The following SLC22A9 variants were observed in gnomAD, a reference collection of about 807,000 sequenced individuals.
The protein encoded by SLC22A9 is organic anion transporter 7.
In SLC22A9, 64 loss-of-function variants were observed where a neutral mutation model predicts 50.1. The observed-to-expected ratio is 1.28, with a 90% CI of 1.04 to 1.57. The LOEUF is 1.57. SLC22A9 is among the 40% of genes most tolerant of loss of function. The pLI, the probability that SLC22A9 is intolerant of heterozygous loss-of-function variation, is 0.00. For synonymous variants in SLC22A9, 261 were observed against 242.5 expected (o/e 1.08, Z -0.71); for missense variants, 757 against 676.1 (o/e 1.12, Z -1.33).
intron 5 of SLC22A9, among the ~76,000 whole-genome samples, chr11:63,378,971 C>G (rs369504423): frequency 6.6e-6 from 1 of 152,014 alleles, no homozygotes; most frequent in Non-Finnish European, 1.5e-5. Flanking sequence ...GAATCCTGTT[C>G]CTATCAAACT....
rs776357485 is a variant in SLC22A9 at position 63,370,104 on chromosome 11, C to A, written c.48C>A (p.Phe16Leu). ...GTCACGCTGGTGACCTGTGGAGATT[C>A]CAGATCCTTCAGACTGTTTTTCTCT... Reference protein sequence around the residue: ...LLGHAGDLWRFQILQTVFLSI... With the variant: ...LLGHAGDLWRLQILQTVFLSI... The change falls in exon 1 of 10, where the codon TTC (phenylalanine) becomes TTA (leucine). Residue 16 changes from phenylalanine to leucine, a missense_variant. By Grantham distance (22) the Phe-to-Leu change is conservative. Transcript: ENST00000279178. The A allele has an allele frequency of 6.2e-7, 1 of 1,613,904 alleles. No homozygotes were observed. The highest frequency in any genetic ancestry group is 1.3e-5 in the African/African-American group (1 of 75,046).
rs765355464 is a variant in SLC22A9, at chr11:63,370,041, C to T, written c.-16C>T. ...AGTCATTTTGCCTCTACTTGAGGAT[C>T]AACTGTTCAACCTCAATGGCCTTTC... On this transcript the variant is annotated 5_prime_UTR_variant, in exon 1 of 10. Coordinates refer to ENST00000279178, the MANE Select transcript of SLC22A9 (RefSeq NM_080866.3). 4.4e-6 allele frequency: 7 copies of T among 1,599,922 alleles called. No homozygotes were observed. The highest frequency in any genetic ancestry group is 4.0e-5 in the African/African-American group (3 of 74,616).
rs1476822255 is a variant in SLC22A9 at position 63,370,553 on chromosome 11, G to T, written c.402+95G>T. On this transcript the variant is annotated intron_variant, in intron 1 of 9. Coordinates refer to ENST00000279178, the MANE Select transcript of SLC22A9 (RefSeq NM_080866.3). ...GCTTCCAGCCTTCAGTCACATGTAG[G>T]TCCTTAGTCTTCATTCTTTCAGCAA... is the stretch of plus-strand genomic sequence containing the variant. The T allele has an allele frequency of 3.6e-6, 5 of 1,375,024 alleles. No homozygotes were observed. In the African/African-American group the frequency reaches 7.3e-5, roughly 20 times the overall value. The allele number at this position is 1,375,024 out of a possible 1,614,324, so 85.2% of individuals were successfully genotyped here. A position where few individuals can be genotyped will look rare whatever the true frequency, so the allele number is the denominator to read the frequency against.
At chr11:63,377,242 A>G (rs1161345528) in intron 5 of SLC22A9, among the ~76,000 whole-genome samples, 1 of 152,116 alleles carries the variant, frequency 6.6e-6, no homozygotes, top group Non-Finnish European at 1.5e-5. Flanking sequence ...ACAGCAGAAT[A>G]TACGTTATTC....
chr11:63,384,384 C>T (rs1481511168), intron 6 of SLC22A9, among the ~76,000 whole-genome samples: 2 of 152,168 alleles, frequency 1.3e-5, no homozygotes, highest in Non-Finnish European at 2.9e-5. Context: ...TAAGTGAGAA[C>T]ATGCAGTGTT....
chr11:63,406,130 T>C (rs2015031425), intron 6 of SLC22A9, among the ~76,000 whole-genome samples: 1 of 152,180 alleles, frequency 6.6e-6, no homozygotes, highest in Non-Finnish European at 1.5e-5. Context: ...TTAGTCATCA[T>C]CTTTGTAGGT....
chr11:63,374,673 A>G (rs1217546357), intron 4 of SLC22A9, among the ~76,000 whole-genome samples: 1 of 152,250 alleles, frequency 6.6e-6, no homozygotes, highest in Non-Finnish European at 1.5e-5. Context: ...GTTTTCCCCA[A>G]TACAGGAAAA....
At chr11:63,402,501 G>C (rs991776701) in intron 6 of SLC22A9, among the ~76,000 whole-genome samples, 1 of 151,952 alleles carries the variant, frequency 6.6e-6, no homozygotes, top group African/African-American at 2.4e-5. Context: ...GTATCATGCT[G>C]TTTTCATTAC....
intron 6 of SLC22A9, among the ~76,000 whole-genome samples, chr11:63,402,371 T>A (rs2014965550): frequency 6.6e-6 from 1 of 152,134 alleles, no homozygotes; most frequent in African/African-American, 2.4e-5. Context: ...ATAGGGAGTC[T>A]TTCCCCATTG....
chr11:63,376,017 C>A (rs559192801), intron 5 of SLC22A9, among the ~76,000 whole-genome samples: 2 of 152,144 alleles, frequency 1.3e-5, no homozygotes, highest in South Asian at 4.2e-4. Flanking sequence ...AAAGTATTAA[C>A]TATTGTAAAG....
At chr11:63,383,746 G>A (rs2014608514) in intron 6 of SLC22A9, among the ~76,000 whole-genome samples, 1 of 152,072 alleles carries the variant, frequency 6.6e-6, no homozygotes, top group African/African-American at 2.4e-5. Context: ...GCACACATAA[G>A]TCAAGATAAA....
In SLC22A9 at chr11:63,409,829, A is replaced by C. The variant is rs756716821; in HGVS notation, c.1629A>C (p.Gln543His). 1.2e-5 allele frequency: 20 copies of C among 1,613,630 alleles called. No individual in the cohort carries two copies. The Admixed American group carries it at 3.3e-4, about 27-fold the overall frequency. Residue 543 changes from glutamine (Q) to histidine (H), a missense_variant, in exon 10 of 10, where the codon CAA becomes CAC. Coordinates refer to ENST00000279178, the MANE Select transcript of SLC22A9 (RefSeq NM_080866.3). ...GAAAAGACCCCAGAGAACCAAAGCA[A>C]GAGGATCCGAGAGTGGAAGTGACGC... is the stretch of plus-strand genomic sequence containing the variant. ...NERKDPREPK[Q>H]EDPRVEVTQF
At position 63,408,229 on chromosome 11, in the gene SLC22A9, C is replaced by T; in HGVS notation, c.1397+9C>T. 2 of 1,604,412 alleles carry T rather than the reference C, an allele frequency of 1.2e-6. No individual in the cohort carries two copies. The highest frequency in any genetic ancestry group is 1.7e-6 in the Non-Finnish European group (2 of 1,171,482). ...ATTCCCACCATAATCAGGTACAGAA[C>T]CTTAAGTATGCCCTGTCAGGTTCAA... On this transcript the variant is annotated intron_variant, in intron 8 of 9. Coordinates refer to ENST00000279178, the MANE Select transcript of SLC22A9 (RefSeq NM_080866.3).
chr11:63,398,114 G>C (rs2014891584), intron 6 of SLC22A9, among the ~76,000 whole-genome samples: 1 of 152,160 alleles, frequency 6.6e-6, no homozygotes, highest in Non-Finnish European at 1.5e-5. Context: ...AATCCTGTCA[G>C]GCCTGCGTCC....
intron 9 of SLC22A9, among the ~76,000 whole-genome samples, chr11:63,409,405 A>G (rs1315254371): frequency 6.6e-6 from 1 of 151,238 alleles, no homozygotes; most frequent in Non-Finnish European, 1.5e-5. Context: ...GGCCACACAT[A>G]AAATACACTA....
At chr11:63,393,251 G>A (rs1022392380) in intron 6 of SLC22A9, among the ~76,000 whole-genome samples, 1 of 151,956 alleles carries the variant, frequency 6.6e-6, no homozygotes, top group African/African-American at 2.4e-5. Flanking sequence ...TTGCAGCTAC[G>A]ATAAAAAGGG....
chr11:63,400,809 C>A (rs2014939971), intron 6 of SLC22A9, among the ~76,000 whole-genome samples: 1 of 152,056 alleles, frequency 6.6e-6, no homozygotes, highest in African/African-American at 2.4e-5. Flanking sequence ...TTCATCACGA[C>A]CAAGTGTGAT....
intron 6 of SLC22A9, among the ~76,000 whole-genome samples, chr11:63,406,126 A>G (rs1232814138): frequency 6.6e-6 from 1 of 152,162 alleles, no homozygotes; most frequent in Non-Finnish European, 1.5e-5. Context: ...ACTTTTAGTC[A>G]TCATCTTTGT....
intron 6 of SLC22A9, among the ~76,000 whole-genome samples, chr11:63,392,773 G>A (rs2014786222): frequency 6.6e-6 from 1 of 152,062 alleles, no homozygotes; most frequent in Non-Finnish European, 1.5e-5. Context: ...CATTGAAAAA[G>A]TATTTTAATG....
Sources: gnomAD v4.1 joint callset for allele counts (sites outside exome capture counted in the v4.1 genomes callset) on GRCh38, gnomAD v4.1.1 for gene constraint, MANE v1.5 for transcripts, NCBI Gene and HGNC (gene_info 2026-07-23, HGNC 2026-07-21) for gene names.